The following SLC25A48 variants were observed in gnomAD, a reference collection of about 807,000 sequenced individuals.
SLC25A48 encodes the protein CTC-321K16.1.
SLC25A48 carries 29 observed loss-of-function variants against 32.2 expected under a neutral mutation model. The ratio of observed to expected loss-of-function variants is 0.90; its 90% confidence interval spans 0.67 to 1.23. The LOEUF (loss-of-function observed/expected upper bound fraction) is 1.23, where lower values mean the gene tolerates loss of function less well. SLC25A48 is among the 50% of genes most tolerant of loss of function. The probability of loss-of-function intolerance (pLI) is 0.00; values close to 1 mark genes in which losing one functional copy is unlikely to be tolerated. For missense variants in SLC25A48, 399 were observed against 422.7 expected, an observed-to-expected ratio of 0.94 and a Z score of 0.49; for synonymous variants, 164 against 172.3, an observed-to-expected ratio of 0.95 and a Z score of 0.38.
intron 3 of SLC25A48, among the ~76,000 whole-genome samples, chr5:135,726,190 A>G (rs1755084476): frequency 6.6e-6 from 1 of 152,232 alleles, no homozygotes; most frequent in African/African-American, 2.4e-5. Context: ...CAGCAGGGCC[A>G]TGTCTGCCAG....
intron 3 of SLC25A48, among the ~76,000 whole-genome samples, chr5:135,789,608 G>A (rs1227487821): frequency 6.6e-6 from 1 of 151,248 alleles, no homozygotes; most frequent in Non-Finnish European, 1.5e-5. Flanking sequence ...GAAGAGGGTG[G>A]TATTATTCCC....
At chr5:135,788,812 A>C (rs1235048155) in intron 3 of SLC25A48, among the ~76,000 whole-genome samples, 6 of 145,088 alleles carry the variant, frequency 4.1e-5, no homozygotes. Context: ...GTGGTGGGGG[A>C]TGTACACCCC....
chr5:135,669,423 G>A (rs894656301), intron 3 of SLC25A48, among the ~76,000 whole-genome samples: 3 of 152,090 alleles, frequency 2.0e-5, no homozygotes, highest in Non-Finnish European at 4.4e-5. Flanking sequence ...ACCTATCTGG[G>A]GGGAGGGATG....
intron 2 of SLC25A48, among the ~76,000 whole-genome samples, chr5:135,845,715 T>C: frequency 6.6e-6 from 1 of 152,186 alleles, no homozygotes; most frequent in Admixed American, 6.5e-5. Context: ...GATACAGCAA[T>C]GAGCGAGATG....
chr5:135,745,566 G>GA (rs927728959), intron 3 of SLC25A48, among the ~76,000 whole-genome samples: 3 of 151,028 alleles, frequency 2.0e-5, no homozygotes, highest in African/African-American at 4.9e-5. Flanking sequence ...GTGGTGGGAA[G>GA]AAAAAAAAAG....
At chr5:135,771,394 G>A (rs907799149) in intron 3 of SLC25A48, among the ~76,000 whole-genome samples, 9 of 151,598 alleles carry the variant, frequency 5.9e-5, no homozygotes, top group Non-Finnish European at 7.4e-5. Flanking sequence ...CATATATCAC[G>A]GGGGGTGTTC....
intron 3 of SLC25A48, among the ~76,000 whole-genome samples, chr5:135,719,552 C>T (rs1754897666): frequency 6.6e-6 from 1 of 152,162 alleles, no homozygotes; most frequent in African/African-American, 2.4e-5. Context: ...GGGAAGGCAC[C>T]CTCATGCTGC....
intron 3 of SLC25A48, chr5:135,652,453 A>C (rs1438525761): frequency 2.2e-6 from 1 of 456,096 alleles, no homozygotes; most frequent in Non-Finnish European, 4.4e-6. Context: ...CTTCTGATCC[A>C]AGAACCCACT....
At chr5:135,583,572 A>T (rs550902878) in intron 1 of SLC25A48, among the ~76,000 whole-genome samples, 1 of 151,774 alleles carries the variant, frequency 6.6e-6, no homozygotes, top group Admixed American at 6.6e-5. Context: ...TTCATTGTAC[A>T]TATGAGGAAA....
chr5:135,591,948 C>T (rs1440421406), intron 1 of SLC25A48, among the ~76,000 whole-genome samples: 1 of 152,186 alleles, frequency 6.6e-6, no homozygotes, highest in East Asian at 1.9e-4. Context: ...GCTGAACCTG[C>T]CCCCAACTCT....
At chr5:135,862,673 T>A (rs369702682) in intron 4 of SLC25A48, among the ~76,000 whole-genome samples, 1 of 151,946 alleles carries the variant, frequency 6.6e-6, no homozygotes, top group Non-Finnish European at 1.5e-5. Context: ...GTTGATCGGG[T>A]TTTTTAGTTC....
intron 1 of SLC25A48, among the ~76,000 whole-genome samples, chr5:135,841,067 C>T (rs913113854): frequency 5.3e-5 from 8 of 152,174 alleles, no homozygotes; most frequent in Non-Finnish European, 1.2e-4. Context: ...TCTCTACATC[C>T]TTGCCAACAG....
At chr5:135,840,408 G>A (rs940405963) in intron 1 of SLC25A48, among the ~76,000 whole-genome samples, 9 of 152,140 alleles carry the variant, frequency 5.9e-5, no homozygotes, top group Admixed American at 6.5e-5. Context: ...ACCCTACCCC[G>A]CTTTTTGAGC....
At chr5:135,801,591 G>A (rs1757328484) in intron 3 of SLC25A48, among the ~76,000 whole-genome samples, 1 of 151,442 alleles carries the variant, frequency 6.6e-6, no homozygotes, top group African/African-American at 2.4e-5. Flanking sequence ...CAATATCGCA[G>A]AAGGTGTACA....
intron 3 of SLC25A48, 109 bp downstream of exon 3, chr5:135,850,605 C>A: frequency 1.0e-6 from 1 of 964,920 alleles, no homozygotes; most frequent in Non-Finnish European, 1.6e-6. Flanking sequence ...TCATCCTGCT[C>A]TTCACACTCA....
intron 3 of SLC25A48, among the ~76,000 whole-genome samples, chr5:135,657,603 A>G (rs1753284438): frequency 6.6e-6 from 1 of 152,190 alleles, no homozygotes; most frequent in Non-Finnish European, 1.5e-5. Flanking sequence ...AGTCCCAAGT[A>G]AGTTCTCTTG....
At chr5:135,625,957 A>G (rs1752432256) in intron 1 of SLC25A48, among the ~76,000 whole-genome samples, 2 of 152,216 alleles carry the variant, frequency 1.3e-5, no homozygotes, top group African/African-American at 4.8e-5. Context: ...GACTTCCTCT[A>G]GATGAGCTAA....
intron 3 of SLC25A48, among the ~76,000 whole-genome samples, chr5:135,764,056 T>C (rs1244383207): frequency 6.6e-6 from 1 of 152,062 alleles, no homozygotes; most frequent in Non-Finnish European, 1.5e-5. Flanking sequence ...ATATGGTTCA[T>C]AATATCCAGG....
chr5:135,636,858 G>T (rs924480644), intron 3 of SLC25A48, among the ~76,000 whole-genome samples: 1 of 152,160 alleles, frequency 6.6e-6, no homozygotes. Context: ...GCCAAACCAA[G>T]CCACGTTCTG....
Sources: allele counts gnomAD v4.1 joint callset (sites outside exome capture counted in the v4.1 genomes callset), GRCh38; gene constraint gnomAD v4.1.1; transcripts MANE v1.5; gene names NCBI Gene and HGNC (gene_info 2026-07-23, HGNC 2026-07-21).